The following ZNF736 variants were observed in gnomAD, a reference collection of about 807,000 sequenced individuals.
The protein encoded by ZNF736 is zinc finger protein 736, also known as KRAB-containing zinc-finger repressor protein.
Under a neutral mutation model 11.7 loss-of-function variants are expected in ZNF736, and 6 were observed. The ratio of observed to expected loss-of-function variants is 0.51; its 90% CI spans 0.28 to 1.01. ZNF736 has a LOEUF of 1.01. Ranked by LOEUF, ZNF736 falls within the 50% of genes least tolerant of loss-of-function variation. The pLI is 0.09. For synonymous variants in ZNF736, 139 were observed against 164.7 expected, an observed-to-expected ratio of 0.84 and a Z score of 1.19; for missense variants, 444 against 496.0, an observed-to-expected ratio of 0.90 and a Z score of 1.00.
chr7:64,328,346 A>G (rs1399885246), intron 1 of ZNF736, among the ~76,000 whole-genome samples: 2 of 151,966 alleles, frequency 1.3e-5, no homozygotes, highest in African/African-American at 4.8e-5. Context: ...CCTGGTCTGT[A>G]AGATTTCCAC....
At chr7:64,342,566 C>T (rs1304991075) in intron 3 of ZNF736, among the ~76,000 whole-genome samples, 2 of 151,962 alleles carry the variant, frequency 1.3e-5, no homozygotes, top group Admixed American at 1.3e-4. Flanking sequence ...CAAATTGTTA[C>T]CTATTTCTTA....
chr7:64,341,463 T>C (rs1045313435), intron 3 of ZNF736, among the ~76,000 whole-genome samples: 21 of 152,214 alleles, frequency 1.4e-4, no homozygotes, highest in Non-Finnish European at 1.5e-4. Context: ...TTCTCAGTTA[T>C]GTCTTTGAAC....
intron 3 of ZNF736, among the ~76,000 whole-genome samples, chr7:64,340,527 TA>T (rs1224648485): frequency 1.3e-5 from 2 of 152,208 alleles, no homozygotes; most frequent in African/African-American, 4.8e-5. Flanking sequence ...AATCAATCTT[TA>T]GTTCTAGCAG....
At chr7:64,328,673 A>T (rs948214643) in intron 1 of ZNF736, among the ~76,000 whole-genome samples, 3 of 151,958 alleles carry the variant, frequency 2.0e-5, no homozygotes, top group African/African-American at 7.3e-5. Flanking sequence ...GAGGCAGGAG[A>T]ATGGCGTGAA....
In ZNF736 at chr7:64,353,853, C is replaced by T. The variant is rs1255625344; in HGVS notation, c.*4706C>T. The T allele has an allele frequency of 6.6e-6, 1 of 152,200 alleles. No homozygotes were observed. The highest frequency in any genetic ancestry group is 1.5e-5 in the Non-Finnish European group (1 of 68,028). The allele number at this position is 152,200 out of a possible 1,614,324, so 9.4% of individuals were successfully genotyped here. ...AAGGTAATTAAAATACAGTGAATTTCAAAATGCCTTTTTAATGACAATGTG... is the reference window on the plus strand; with the variant it reads ...AAGGTAATTAAAATACAGTGAATTTTAAAATGCCTTTTTAATGACAATGTG... On this transcript the variant is annotated 3_prime_UTR_variant, in exon 4 of 4. Coordinates refer to ENST00000423484, the MANE Select transcript of ZNF736 (RefSeq NM_001170905.3).
intron 1 of ZNF736, among the ~76,000 whole-genome samples, chr7:64,325,841 G>A (rs1422672723): frequency 1.3e-5 from 2 of 152,026 alleles, no homozygotes; most frequent in Non-Finnish European, 2.9e-5. Flanking sequence ...TTACCTTTCT[G>A]TCCTACAGTA....
In ZNF736 at chr7:64,351,123, T is replaced by G. The variant is rs1219491212; in HGVS notation, c.*1976T>G. 1.3e-5 allele frequency: 2 copies of G among 152,468 alleles called. No homozygotes were observed. The highest frequency in any genetic ancestry group is 4.8e-5 in the African/African-American group (2 of 41,450). The allele number at this position is 152,468 out of a possible 1,614,324, so 9.4% of individuals were successfully genotyped here. ...ACTGGCCAGTAAAGGTTTTGATGCC[T>G]TCTCTGTGCCCCCCAAGAAAGAGTG... On this transcript the variant is annotated 3_prime_UTR_variant, in exon 4 of 4. Transcript: ENST00000423484.
chr7:64,329,386 T>C (rs139682476), intron 1 of ZNF736, among the ~76,000 whole-genome samples: 390 of 151,678 alleles, frequency 2.6e-3, no homozygotes, highest in Middle Eastern at 0.01. Flanking sequence ...AATACCTGTC[T>C]TTCTTAGAAA....
chr7:64,349,681 C>G lies in ZNF736; in HGVS notation c.*534C>G, dbSNP rs1789460430. Reference sequence around the variant, plus strand: ...TCCACAGTTTGTATACTTTAGTGTGCTTTTGTAGTGACTGGTAATAGTCTT... The same window carrying G: ...TCCACAGTTTGTATACTTTAGTGTGGTTTTGTAGTGACTGGTAATAGTCTT... On this transcript the variant is annotated 3_prime_UTR_variant, in exon 4 of 4. Coordinates refer to ENST00000423484, the MANE Select transcript of ZNF736 (RefSeq NM_001170905.3). 6.6e-6 allele frequency: 1 copy of G among 152,422 alleles called. No individual in the cohort carries two copies. Among genetic ancestry groups the G allele is most frequent in the Admixed American group, 6.5e-5 (1 of 15,268 alleles). The allele number at this position is 152,422 out of a possible 1,614,324, so 9.4% of individuals were successfully genotyped here.
At chr7:64,340,438 A>G (rs1789321198) in intron 3 of ZNF736, among the ~76,000 whole-genome samples, 1 of 152,146 alleles carries the variant, frequency 6.6e-6, no homozygotes, top group South Asian at 2.1e-4. Flanking sequence ...TAGTTGAACC[A>G]TTTCTTGACC....
At chr7:64,321,524 A>C (rs1217691561) in intron 1 of ZNF736, among the ~76,000 whole-genome samples, 1 of 152,230 alleles carries the variant, frequency 6.6e-6, no homozygotes, top group Non-Finnish European at 1.5e-5. Context: ...CAGAGAAAGC[A>C]GTTAAAAATA....
intron 1 of ZNF736, 134 bp downstream of exon 1, chr7:64,314,287 C>A: frequency 1.7e-6 from 2 of 1,154,652 alleles, no homozygotes; most frequent in Non-Finnish European, 2.4e-6. Flanking sequence ...GCGGGCACAG[C>A]TCAATCCTCA....
chr7:64,328,156 T>G (rs1479735616), intron 1 of ZNF736, among the ~76,000 whole-genome samples: 1 of 152,174 alleles, frequency 6.6e-6, no homozygotes, highest in Non-Finnish European at 1.5e-5. Context: ...CTCATTAATG[T>G]CCTATTCATT....
chr7:64,328,887 T>G (rs960365525), intron 1 of ZNF736, among the ~76,000 whole-genome samples: 1 of 152,166 alleles, frequency 6.6e-6, no homozygotes, highest in Non-Finnish European at 1.5e-5. Flanking sequence ...TGAATAAACT[T>G]TCTACCCAGA....
chr7:64,326,226 G>T (rs184971606), intron 1 of ZNF736, among the ~76,000 whole-genome samples: 4 of 152,286 alleles, frequency 2.6e-5, no homozygotes, highest in Non-Finnish European at 4.4e-5. Flanking sequence ...TATAAACACA[G>T]GAGGTACACA....
chr7:64,319,306 T>G (rs1788961010), intron 1 of ZNF736, among the ~76,000 whole-genome samples: 2 of 135,830 alleles, frequency 1.5e-5, no homozygotes, highest in Non-Finnish European at 3.1e-5. Flanking sequence ...TGTGTGTGTG[T>G]GTATATGTAT....
chr7:64,340,475 G>A (rs1178335314), intron 3 of ZNF736, among the ~76,000 whole-genome samples: 2 of 152,166 alleles, frequency 1.3e-5, no homozygotes, highest in African/African-American at 2.4e-5. Context: ...GGGTTTTCAA[G>A]TTTGCCACCT....
intron 3 of ZNF736, chr7:64,337,188 ATG>A (rs892795349): frequency 4.8e-3 from 2,505 of 520,366 alleles, no homozygotes; most frequent in East Asian, 6.6e-3. Flanking sequence ...CCCTTCAGTA[ATG>A]TGTGTGTGTG....
rs781538085 is a variant in ZNF736, at chr7:64,348,799, C to T, written c.936C>T (p.Pro312=). The T allele has an allele frequency of 1.9e-6, 3 of 1,586,714 alleles. No individual in the cohort carries two copies. The highest frequency in any genetic ancestry group is 2.3e-5 in the East Asian group (1 of 43,272). ...KHKIIHTGDK[P]YTCNECGKAF... ...AGATAATTCATACTGGAGACAAACC[C>T]TACACATGTAATGAATGTGGAAAAG... Residue 312 remains proline (P), a synonymous_variant, in exon 4 of 4, where the codon CCC becomes CCT. Coordinates refer to ENST00000423484, the MANE Select transcript of ZNF736 (RefSeq NM_001170905.3).
Sources: gnomAD v4.1 joint callset for allele counts (sites outside exome capture counted in the v4.1 genomes callset) on GRCh38, gnomAD v4.1.1 for gene constraint, MANE v1.5 for transcripts, NCBI Gene and HGNC (gene_info 2026-07-23, HGNC 2026-07-21) for gene names.